The following CIP2A variants were observed in gnomAD, a reference collection of about 807,000 sequenced individuals.
The protein encoded by CIP2A is protein CIP2A.
CIP2A carries 103 observed loss-of-function variants against 110.9 expected under a neutral mutation model. The observed-to-expected ratio is 0.93, with a 90% CI of 0.79 to 1.09. The LOEUF (loss-of-function observed/expected upper bound fraction) is 1.09. Among genes scored for constraint, CIP2A ranks in the 50% least tolerant of loss-of-function variants. CIP2A has a pLI of 0.00. For synonymous variants in CIP2A, 381 were observed against 361.6 expected (o/e 1.05, Z -0.61); for missense variants, 1,088 against 1,038.4 (o/e 1.05, Z -0.66).
chr3:108,581,714 C>A (rs1391826578), intron 4 of CIP2A, among the ~76,000 whole-genome samples: 3 of 151,808 alleles, frequency 2.0e-5, no homozygotes, highest in African/African-American at 7.3e-5. Context: ...ACCAAATTAC[C>A]CTATTCAATT....
intron 2 of CIP2A, among the ~76,000 whole-genome samples, chr3:108,584,219 A>T (rs2107371026): frequency 6.6e-6 from 1 of 152,332 alleles, no homozygotes; most frequent in East Asian, 1.9e-4. Flanking sequence ...TAGTTGAATA[A>T]ATTACAGTAC....
At chr3:108,558,928 T>C (rs191989323) in intron 16 of CIP2A, among the ~76,000 whole-genome samples, 76 of 152,258 alleles carry the variant, frequency 5.0e-4, no homozygotes, top group African/African-American at 1.8e-3. Context: ...TTTAATGATA[T>C]TTGAAAGCAA....
chr3:108,575,377 C>A (rs1180588445), intron 8 of CIP2A, among the ~76,000 whole-genome samples: 5 of 149,498 alleles, frequency 3.3e-5, no homozygotes, highest in Admixed American at 3.3e-4. Context: ...TACACATATA[C>A]ATGTATGCGT....
chr3:108,553,560 T>C (rs1380395040), intron 19 of CIP2A, 88 bp downstream of exon 19: 2 of 1,121,444 alleles, frequency 1.8e-6, no homozygotes, highest in Admixed American at 5.5e-5. Context: ...AAACAATAAG[T>C]AGAAAATAAA....
chr3:108,554,333 T>C, intron 18 of CIP2A, 43 bp downstream of exon 18: 2 of 794,918 alleles, frequency 2.5e-6, no homozygotes, highest in East Asian at 2.7e-5. Context: ...ATTTTGTTTT[T>C]GAAAAATCCC....
chr3:108,585,893 C>A (rs1244968975), intron 1 of CIP2A: 7 of 406,192 alleles, frequency 1.7e-5, no homozygotes, highest in Non-Finnish European at 3.4e-5. Context: ...CACGCATGCA[C>A]AGACACATAC....
At chr3:108,572,861 G>A (rs962202403) in intron 8 of CIP2A, among the ~76,000 whole-genome samples, 2 of 151,946 alleles carry the variant, frequency 1.3e-5, no homozygotes, top group Non-Finnish European at 2.9e-5. Context: ...CATCACTGGT[G>A]ATAATGAACA....
At chr3:108,571,312 A>G (rs1938396728) in intron 8 of CIP2A, among the ~76,000 whole-genome samples, 1 of 152,210 alleles carries the variant, frequency 6.6e-6, no homozygotes, top group Admixed American at 6.6e-5. Flanking sequence ...AGTTTTATAC[A>G]GCTGGCAGCT....
intron 17 of CIP2A, among the ~76,000 whole-genome samples, chr3:108,556,041 G>A (rs914808394): frequency 1.3e-5 from 2 of 152,110 alleles, no homozygotes; most frequent in Admixed American, 6.6e-5. Context: ...GTTCTATAAC[G>A]TATTTTCTTC....
chr3:108,559,813 G>A lies in CIP2A; in HGVS notation c.1957C>T (p.Gln653Ter), dbSNP rs1937936543. Residue 653 changes from glutamine to a stop codon, truncating the protein, a stop_gained, in exon 16 of 21, where the codon CAG becomes TAG. Coordinates refer to ENST00000295746, the MANE Select transcript of CIP2A (RefSeq NM_020890.3). LOFTEE classifies it high-confidence loss of function. Reference protein sequence around the residue: ...LLETKALALAQADRLIAQHRC... With the variant: ...LLETKALALA ...TGCTGAGCAATCAGTCTATCAGCCT[G>A]TGCAAGGGCTAGAGCTTTTGTTTCC... 4 of 1,607,048 alleles carry A rather than the reference G, an allele frequency of 2.5e-6. No homozygotes were observed. In the South Asian group the frequency reaches 3.3e-5, roughly 13 times the overall value.
At chr3:108,580,635 G>GTT (rs201061434) in intron 5 of CIP2A, among the ~76,000 whole-genome samples, 21 of 145,520 alleles carry the variant, frequency 1.4e-4, no homozygotes, top group African/African-American at 4.7e-4. Flanking sequence ...AATATACTTT[G>GTT]TTTTTTTTTT....
chr3:108,589,368 G>A lies in CIP2A; in HGVS notation c.8C>T (p.Ser3Phe), dbSNP rs1939234409. 3 of 1,612,824 alleles carry A rather than the reference G, an allele frequency of 1.9e-6. No individual in the cohort carries two copies. Among genetic ancestry groups the A allele is most frequent in the Non-Finnish European group, 2.5e-6 (3 of 1,179,246 alleles). The change falls in exon 1 of 21, where the codon TCC (serine) becomes TTC (phenylalanine). Residue 3 changes from serine (S) to phenylalanine (F), a missense_variant. Ser to Phe is a radical substitution (Grantham distance 155). Transcript: ENST00000295746. ...GAGCAAGGACTTCAAGCAGGCAGTG[G>A]AGTCCATTGCACCGGCCGCGGCCCG... MDSTACLKSLLLT... is the reference protein window; with the variant it reads MDFTACLKSLLLT...
chr3:108,579,172 A>T, intron 7 of CIP2A, 109 bp downstream of exon 7: 2 of 829,578 alleles, frequency 2.4e-6, no homozygotes, highest in Middle Eastern at 3.5e-4. Context: ...TCTACTGTGA[A>T]TCAGTAGAAT....
chr3:108,556,637 A>G (rs1383282228), intron 17 of CIP2A, among the ~76,000 whole-genome samples: 3 of 152,192 alleles, frequency 2.0e-5, no homozygotes, highest in African/African-American at 7.2e-5. Context: ...TTAAATATAC[A>G]TACCCTTTAA....
chr3:108,558,472 T>A (rs1379824068), intron 16 of CIP2A, among the ~76,000 whole-genome samples: 4 of 152,164 alleles, frequency 2.6e-5, no homozygotes, highest in Non-Finnish European at 4.4e-5. Flanking sequence ...ACATTATATA[T>A]GTACATAATA....
chr3:108,568,644 A>G (rs947871826), intron 9 of CIP2A, among the ~76,000 whole-genome samples: 5 of 152,030 alleles, frequency 3.3e-5, no homozygotes, highest in Non-Finnish European at 5.9e-5. Context: ...AACAATAATT[A>G]AATAATAGAC....
intron 14 of CIP2A, 146 bp downstream of exon 14, chr3:108,560,503 T>C: frequency 1.7e-6 from 1 of 579,048 alleles, no homozygotes; most frequent in Admixed American, 3.5e-5. Context: ...ATTTTTCTTA[T>C]TTCCAAATTT....
intron 2 of CIP2A, among the ~76,000 whole-genome samples, chr3:108,584,406 C>T (rs1938980698): frequency 6.6e-6 from 1 of 152,032 alleles, no homozygotes; most frequent in Admixed American, 6.6e-5. Context: ...GAGATTATAC[C>T]CTCAAAGCTG....
At position 108,550,212 on chromosome 3, in the gene CIP2A, T is replaced by A. The variant is rs1051373486; in HGVS notation, c.*937A>T. 1.3e-5 allele frequency: 2 copies of A among 151,622 alleles called. No individual in the cohort carries two copies. Among genetic ancestry groups the A allele is most frequent in the African/African-American group, 4.8e-5 (2 of 41,450 alleles). 9.4% of individuals were successfully genotyped at this position (151,622 alleles called of 1,614,324 possible). The stretch of plus-strand genomic sequence containing the variant: ...AATGAAAAGTACAGAAGGACCCTTG[T>A]ATTTTAAAAAAAATAAAGATATTTA... On this transcript the variant is annotated 3_prime_UTR_variant, in exon 21 of 21. Coordinates refer to ENST00000295746, the MANE Select transcript of CIP2A (RefSeq NM_020890.3).
Sources: gnomAD v4.1 joint callset for allele counts (sites outside exome capture counted in the v4.1 genomes callset) on GRCh38, gnomAD v4.1.1 for gene constraint, MANE v1.5 for transcripts, NCBI Gene and HGNC (gene_info 2026-07-23, HGNC 2026-07-21) for gene names.